ESYT1: variants seen among roughly 807,000 people sequenced by gnomAD.
The protein encoded by ESYT1 is extended synaptotagmin-1.
In ESYT1, 116 loss-of-function variants were observed where a neutral mutation model predicts 154.2. The ratio of observed to expected loss-of-function variants is 0.75; its 90% CI spans 0.65 to 0.88. ESYT1 has a LOEUF of 0.88. Ranked by LOEUF, ESYT1 falls within the 40% of genes least tolerant of loss-of-function variation. ESYT1 has a pLI of 0.00. For missense variants in ESYT1, 1,264 were observed against 1,379.3 expected (o/e 0.92, Z 1.32); for synonymous variants, 500 against 539.9 (o/e 0.93, Z 1.02).
At chr12:56,134,604 T>C (rs1230175755) in intron 15 of ESYT1, among the ~76,000 whole-genome samples, 176 bp downstream of exon 15, 1 of 151,642 alleles carries the variant, frequency 6.6e-6, no homozygotes, top group African/African-American at 2.4e-5. Flanking sequence ...GAATAATATT[T>C]TTTTTTTTTT....
At position 56,131,127 on chromosome 12, in the gene ESYT1, C is replaced by T. The variant is rs778734774; in HGVS notation, c.641+14C>T. On this transcript the variant is annotated intron_variant, in intron 4 of 30. Transcript: ENST00000394048. ...CTTGAACATCAGGTAATACCACTCACCACTCTTACTGCTTCCCCTTCAATG... is the reference window on the plus strand; with the variant it reads ...CTTGAACATCAGGTAATACCACTCATCACTCTTACTGCTTCCCCTTCAATG... 2 of 1,614,040 alleles carry T rather than the reference C, an allele frequency of 1.2e-6. No individual in the cohort carries two copies. Among genetic ancestry groups the T allele is most frequent in the South Asian group, 1.1e-5 (1 of 91,078 alleles).
chr12:56,136,780 C>T lies in ESYT1; in HGVS notation c.1669C>T (p.Leu557=). 1.2e-6 allele frequency: 2 copies of T among 1,612,620 alleles called. No homozygotes were observed. ...TTCCAGGGCCCTGACTTTAGGAGCA[C>T]TGACGCTGCCTCTGGCCCGCCTGCT... ...DDSRALTLGA[L]TLPLARLLTA... Residue 557 remains leucine, a synonymous_variant, in exon 16 of 31, where the codon CTG becomes TTG. Transcript: ENST00000394048.
At chr12:56,141,622 C>T (rs992188094) in intron 24 of ESYT1, among the ~76,000 whole-genome samples, 7 of 152,172 alleles carry the variant, frequency 4.6e-5, no homozygotes, top group African/African-American at 1.7e-4. Context: ...CACCTGTAGT[C>T]CCAGCTACTT....
At chr12:56,137,403 C>T in intron 17 of ESYT1, 30 bp downstream of exon 17, 1 of 1,613,588 alleles carries the variant, frequency 6.2e-7, no homozygotes, top group Non-Finnish European at 8.5e-7. Context: ...GGACTAGGGT[C>T]TGTTTGCCCC....
chr12:56,142,218 T>TA lies in ESYT1; in HGVS notation c.2593-63dup. On this transcript the variant is annotated intron_variant, in intron 24 of 30. Coordinates refer to ENST00000394048, the MANE Select transcript of ESYT1 (RefSeq NM_015292.3). This position sits in a 1 kb window ranked among gnomAD's most constrained non-coding sequence, Gnocchi z 4.1. ...CTATGAGTCCAAGCGTTTGGACCTT[T>TA]AAAACACCAGGATTAACTCATTTGT... The TA allele has an allele frequency of 6.3e-7, 1 of 1,581,566 alleles. No homozygotes were observed.
At chr12:56,141,479 G>T (rs376656582) in intron 24 of ESYT1, among the ~76,000 whole-genome samples, 2 of 152,196 alleles carry the variant, frequency 1.3e-5, no homozygotes, top group East Asian at 3.8e-4. Flanking sequence ...GGTGGCTCAC[G>T]CCTGTAATCC....
chr12:56,139,002 C>G lies in ESYT1; in HGVS notation c.2581C>G (p.Leu861Val), dbSNP rs1870581816. The G allele has an allele frequency of 4.3e-6, 7 of 1,613,380 alleles. No homozygotes were observed. The East Asian group carries it at 1.1e-4, about 26-fold the overall frequency. ...CATCAGGAAACCACACACTGAGAGCCTAGAGTTGCAGGTACTGTAAATTCA... is the reference window on the plus strand; with the variant it reads ...CATCAGGAAACCACACACTGAGAGCGTAGAGTTGCAGGTACTGTAAATTCA... ...FLIRKPHTES[L>V]ELQVRGEGTG... Residue 861 changes from leucine to valine, a missense_variant, in exon 24 of 31, where the codon CTA (leucine) becomes GTA (valine). Leu to Val is a conservative substitution (Grantham distance 32, BLOSUM62 1). Transcript: ENST00000394048.
chr12:56,130,860 G>A lies in ESYT1; in HGVS notation c.502G>A (p.Ala168Thr). ...EKLLAETVAP[A>T]VRGSNPHLQT... ...GCTTCTGGCTGAAACTGTGGCTCCG[G>A]CTGTTAGGGGATCTAACCCCCATCT... The change falls in exon 3 of 31, where the codon GCT becomes ACT. Residue 168 changes from alanine to threonine, a missense_variant. Physicochemically the swap from Ala to Thr is moderately conservative, Grantham distance 58 (BLOSUM62 0). Coordinates refer to ENST00000394048, the MANE Select transcript of ESYT1 (RefSeq NM_015292.3). 2 of 1,614,158 alleles carry A rather than the reference G, an allele frequency of 1.2e-6. No individual in the cohort carries two copies. The highest frequency in any genetic ancestry group is 1.7e-6 in the Non-Finnish European group (2 of 1,180,034).
chr12:56,143,095 CAA>C lies in ESYT1; in HGVS notation c.3067_3068del (p.Lys1023GlufsTer13). 1 of 1,614,118 alleles carries C rather than the reference CAA, an allele frequency of 6.2e-7. No homozygotes were observed. The highest frequency in any genetic ancestry group is 1.3e-5 in the African/African-American group (1 of 75,010). On this transcript the variant is annotated frameshift_variant, in exon 28 of 31. Coordinates refer to ENST00000394048, the MANE Select transcript of ESYT1 (RefSeq NM_015292.3). LOFTEE classifies it high-confidence loss of function. ...TACTGCCAGACAAGAACCGAGGCAC[CAA>C]GAGGAGGACCTCACAGAAGAAGAGG... ...LLLPDKNRGT[K>X]RRTSQKKRTL...
chr12:56,135,397 C>T (rs950724824), intron 15 of ESYT1, among the ~76,000 whole-genome samples: 6 of 151,300 alleles, frequency 4.0e-5, no homozygotes, highest in African/African-American at 1.2e-4. Flanking sequence ...GTCTCGAACT[C>T]CCAACCTCAG....
In ESYT1 at chr12:56,131,272, G is replaced by T; in HGVS notation, c.670G>T (p.Glu224Ter). Residue 224 changes from glutamate to a stop codon, truncating the protein, a stop_gained, in exon 5 of 31, where the codon GAA becomes TAA. Transcript: ENST00000394048. LOFTEE classifies it high-confidence loss of function. The stretch of plus-strand genomic sequence containing the variant: ...TGTAGGTGATGTGCAGATTGATGTG[G>T]AAGTGAAGAAATATTTTTGCAAAGC... ...SYVGDVQIDV[E>*]VKKYFCKAGV... The T allele has an allele frequency of 1.2e-6, 2 of 1,614,174 alleles. No homozygotes were observed. Among genetic ancestry groups the T allele is most frequent in the South Asian group, 2.2e-5 (2 of 91,084 alleles).
rs762002000 is a variant in ESYT1, at chr12:56,128,637, G to A, written c.318G>A (p.Arg106=). Reference sequence around the variant, plus strand: ...AAGAACGGAGCCTTCGAGCAGCGAGGCAGCTACTGGACGACGAGGAGCAGC... The same window carrying A: ...AAGAACGGAGCCTTCGAGCAGCGAGACAGCTACTGGACGACGAGGAGCAGC... ...DEKERSLRAA[R]QLLDDEEQLT... is the part of the protein sequence containing the mutation. Residue 106 remains arginine, a synonymous_variant, in exon 1 of 31, where the codon AGG becomes AGA. Transcript: ENST00000394048. The A allele has an allele frequency of 1.5e-5, 25 of 1,614,080 alleles. No individual in the cohort carries two copies. Among genetic ancestry groups the A allele is most frequent in the African/African-American group, 2.7e-5 (2 of 74,938 alleles).
chr12:56,133,238 C>A (rs540028480), intron 10 of ESYT1, among the ~76,000 whole-genome samples, 179 bp from the exon 11 acceptor site: 1 of 152,232 alleles, frequency 6.6e-6, no homozygotes, highest in Non-Finnish European at 1.5e-5. Flanking sequence ...AACCTCCCCA[C>A]CCCCAGCCCC....
chr12:56,128,882 G>T, intron 1 of ESYT1, 173 bp downstream of exon 1: 1 of 727,948 alleles, frequency 1.4e-6, no homozygotes, highest in Non-Finnish European at 2.2e-6. Context: ...TCTTGGAACC[G>T]ACTGCTCACT....
intron 30 of ESYT1, 35 bp from the exon 31 acceptor site, chr12:56,143,788 A>T: frequency 6.2e-7 from 1 of 1,613,656 alleles, no homozygotes; most frequent in Non-Finnish European, 8.5e-7. Context: ...TGATGACACA[A>T]GAGTCATCTT....
At position 56,132,411 on chromosome 12, in the gene ESYT1, C is replaced by T. The variant is rs1484017400; in HGVS notation, c.985-10C>T. 7 of 1,614,006 alleles carry T rather than the reference C, an allele frequency of 4.3e-6. No homozygotes were observed. The highest frequency in any genetic ancestry group is 1.3e-5 in the African/African-American group (1 of 74,896). ...TCCTTAGTTTCTCACCATCTGATTC[C>T]TTCCTCCAGGGCATTATTCGAATTC... On this transcript the variant is annotated splice_polypyrimidine_tract_variant and intron_variant, in intron 8 of 30. Coordinates refer to ENST00000394048, the MANE Select transcript of ESYT1 (RefSeq NM_015292.3).
At chr12:56,130,348 C>T in intron 1 of ESYT1, 1 of 599,238 alleles carries the variant, frequency 1.7e-6, no homozygotes, top group Non-Finnish European at 3.0e-6. Flanking sequence ...CGTCCCTGAG[C>T]TATCCACAGG....
At position 56,142,062 on chromosome 12, in the gene ESYT1, A is replaced by T. The variant is rs1192256088; in HGVS notation, c.2593-223A>T. Among the ~76,000 whole-genome samples, 2 of 150,734 alleles carry T rather than the reference A, an allele frequency of 1.3e-5. No individual in the cohort carries two copies. Among genetic ancestry groups the T allele is most frequent in the African/African-American group, 4.9e-5 (2 of 40,908 alleles). On this transcript the variant is annotated intron_variant, in intron 24 of 30. Coordinates refer to ENST00000394048, the MANE Select transcript of ESYT1 (RefSeq NM_015292.3). This position sits in a 1 kb window ranked among gnomAD's most constrained non-coding sequence, Gnocchi z 4.1. Reference sequence around the variant, plus strand: ...GCGGTGAGACCAGATCACGCCATGCACTCCAGCCTGGGCAACAAGAGCGAA... The same window carrying T: ...GCGGTGAGACCAGATCACGCCATGCTCTCCAGCCTGGGCAACAAGAGCGAA...
intron 14 of ESYT1, 58 bp downstream of exon 14, chr12:56,134,239 G>A: frequency 6.2e-7 from 1 of 1,603,368 alleles, no homozygotes; most frequent in South Asian, 1.1e-5. Flanking sequence ...GCCTATTCTT[G>A]GGATGGTTTC....
Sources: gnomAD v4.1 joint callset for allele counts (sites outside exome capture counted in the v4.1 genomes callset) on GRCh38, gnomAD v4.1.1 for gene constraint, Gnocchi (gnomAD v3.1) non-coding constraint, MANE v1.5 for transcripts, NCBI Gene and HGNC (gene_info 2026-07-23, HGNC 2026-07-21) for gene names.